The following CGA variants were observed in gnomAD, a reference collection of about 807,000 sequenced individuals.
CGA encodes the protein glycoprotein hormones, alpha polypeptide, also known as glycoprotein hormones alpha chain.
A neutral mutation model predicts 12.0 loss-of-function variants in CGA; 4 were observed. That is an observed-to-expected ratio of 0.33 (90% confidence interval 0.16 to 0.76). The LOEUF (loss-of-function observed/expected upper bound fraction) is 0.76. Ranked by LOEUF, CGA falls within the 30% of genes least tolerant of loss-of-function variation. The probability of loss-of-function intolerance (pLI) is 0.60; values close to 1 mark genes in which losing one functional copy is unlikely to be tolerated. For missense variants in CGA, 102 were observed against 143.5 expected, an observed-to-expected ratio of 0.71 and a Z score of 1.48; for synonymous variants, 60 against 56.6, an observed-to-expected ratio of 1.06 and a Z score of -0.27.
chr6:87,091,198 C>T (rs769075622), intron 1 of CGA, among the ~76,000 whole-genome samples: 3 of 152,016 alleles, frequency 2.0e-5, no homozygotes, highest in East Asian at 1.9e-4. Context: ...GAAGTCAATG[C>T]GCATTTTAGA....
rs757851845 is a variant in CGA at position 87,088,227 on chromosome 6, A to G, written c.-7-20T>C. On this transcript the variant is annotated intron_variant, in intron 1 of 3. Coordinates refer to ENST00000627148, the MANE Select transcript of CGA (RefSeq NM_000735.4). The stretch of plus-strand genomic sequence containing the variant: ...GCGCTCCTGCAGACAGACATGGCAA[A>G]AAAAAAAAAACAAAAAACAGTTAAT... 5.8e-5 allele frequency: 68 copies of G among 1,169,048 alleles called. 1 individual carries two copies. In the South Asian group the frequency reaches 9.9e-4, roughly 17 times the overall value. 72.4% of individuals were successfully genotyped at this position (1,169,048 alleles called of 1,614,324 possible). A position where few individuals can be genotyped will look rare whatever the true frequency, so the allele number is the denominator to read the frequency against.
intron 3 of CGA, 92 bp downstream of exon 3, chr6:87,086,158 G>T: frequency 8.6e-7 from 1 of 1,156,146 alleles, no homozygotes; most frequent in Non-Finnish European, 1.2e-6. Flanking sequence ...TGGGTCATTA[G>T]ACACCTTTGG....
chr6:87,086,908 T>C (rs577193582), intron 2 of CGA, among the ~76,000 whole-genome samples: 122 of 152,246 alleles, frequency 8.0e-4, no homozygotes, highest in African/African-American at 2.7e-3. Flanking sequence ...TGAAACCCCA[T>C]CTCTACTAAA....
intron 3 of CGA, 34 bp downstream of exon 3, chr6:87,086,216 G>A (rs1022778014): frequency 1.9e-6 from 3 of 1,572,178 alleles, no homozygotes; most frequent in Non-Finnish European, 2.6e-6. Flanking sequence ...TGATTGGGCT[G>A]TTAGAAAGCT....
chr6:87,092,363 G>T (rs1207266390), intron 1 of CGA, among the ~76,000 whole-genome samples: 1 of 152,064 alleles, frequency 6.6e-6, no homozygotes, highest in African/African-American at 2.4e-5. Flanking sequence ...CAAGTAGTAG[G>T]TATATCCCTT....
chr6:87,087,226 T>C (rs961653697), intron 2 of CGA, among the ~76,000 whole-genome samples: 2 of 152,246 alleles, frequency 1.3e-5, no homozygotes, highest in Admixed American at 1.3e-4. Flanking sequence ...AATCTTCATC[T>C]ATAATATCTA....
At chr6:87,092,684 G>A (rs954903081) in intron 1 of CGA, among the ~76,000 whole-genome samples, 1 of 150,956 alleles carries the variant, frequency 6.6e-6, no homozygotes, top group African/African-American at 2.4e-5. Flanking sequence ...AAGCTATAAG[G>A]ACTGTCTGCA....
At chr6:87,088,079 C>T (rs1410442522) in intron 2 of CGA, 34 bp downstream of exon 2, 1 of 1,281,870 alleles carries the variant, frequency 7.8e-7, no homozygotes, top group East Asian at 2.4e-5. Flanking sequence ...TGTGTGTTGT[C>T]CTTATTACTT....
chr6:87,093,673 C>T (rs1769482311), intron 1 of CGA, among the ~76,000 whole-genome samples: 1 of 152,204 alleles, frequency 6.6e-6, no homozygotes, highest in South Asian at 2.1e-4. Context: ...ACGTACATTA[C>T]CTTCTAAGTT....
intron 2 of CGA, chr6:87,087,866 G>T: frequency 7.0e-6 from 2 of 284,970 alleles, no homozygotes; most frequent in Non-Finnish European, 1.3e-5. Context: ...GAATAAAAAG[G>T]AATCTATTTC....
At chr6:87,088,834 T>C (rs1769377987) in intron 1 of CGA, 1 of 152,174 alleles carries the variant, frequency 6.6e-6, no homozygotes, top group Admixed American at 6.5e-5. Flanking sequence ...GGGAAATACT[T>C]TGGCAGTTTC....
chr6:87,092,018 A>G (rs1025703419), intron 1 of CGA, among the ~76,000 whole-genome samples: 1 of 152,234 alleles, frequency 6.6e-6, no homozygotes, highest in African/African-American at 2.4e-5. Context: ...CTCAAAAAGA[A>G]AGAAAGAAAG....
intron 3 of CGA, 23 bp from the exon 4 acceptor site, chr6:87,085,856 CATATT>C (rs1322685878): frequency 6.2e-6 from 9 of 1,443,390 alleles, no homozygotes; most frequent in Non-Finnish European, 8.8e-6. Flanking sequence ...GAAAAAAAAA[CATATT>C]ATAGATTAGA....
chr6:87,089,398 C>T (rs1769388431), intron 1 of CGA, among the ~76,000 whole-genome samples: 1 of 152,026 alleles, frequency 6.6e-6, no homozygotes, highest in African/African-American at 2.4e-5. Context: ...TGTCTTAAAT[C>T]TGAATAAGCT....
intron 3 of CGA, 158 bp downstream of exon 3, chr6:87,086,092 C>G (rs924143862): frequency 4.3e-6 from 3 of 704,484 alleles, no homozygotes; most frequent in Admixed American, 2.9e-5. Context: ...ACAATTGACT[C>G]TTTTAATTAA....
intron 3 of CGA, 39 bp from the exon 4 acceptor site, chr6:87,085,872 TGATA>T (rs372445287): frequency 1.5e-4 from 202 of 1,342,738 alleles, no homozygotes; most frequent in Admixed American, 1.9e-4. Context: ...ATAGATTAGA[TGATA>T]GATAGATAGA....
intron 1 of CGA, among the ~76,000 whole-genome samples, chr6:87,093,494 T>C (rs1206767673): frequency 6.6e-6 from 1 of 152,200 alleles, no homozygotes; most frequent in Non-Finnish European, 1.5e-5. Context: ...ATATGCCAAA[T>C]CCAGAATGTG....
At chr6:87,087,628 T>C (rs1769347977) in intron 2 of CGA, 2 of 152,228 alleles carry the variant, frequency 1.3e-5, no homozygotes, top group Admixed American at 1.3e-4. Context: ...TAACCAATAG[T>C]AGCTCACAAT....
chr6:87,094,439 A>G (rs1280068717), intron 1 of CGA, among the ~76,000 whole-genome samples: 1 of 152,248 alleles, frequency 6.6e-6, no homozygotes, highest in African/African-American at 2.4e-5. Context: ...AATAATAGCT[A>G]GAGAAATACT....
Sources: allele counts gnomAD v4.1 joint callset (sites outside exome capture counted in the v4.1 genomes callset), GRCh38; gene constraint gnomAD v4.1.1; transcripts MANE v1.5; gene names NCBI Gene and HGNC (gene_info 2026-07-23, HGNC 2026-07-21).